Variants in IGSF21 observed in about 807,000 individuals in gnomAD.
The protein encoded by IGSF21 is immunoglobin superfamily member 21, also known as immunoglobulin superfamily member 21.
Under a neutral mutation model 46.8 loss-of-function variants are expected in IGSF21, and 28 were observed. The observed-to-expected ratio is 0.60, with a 90% confidence interval of 0.44 to 0.82. The LOEUF is 0.82. Among genes scored for constraint, IGSF21 ranks in the 40% least tolerant of loss-of-function variants. IGSF21 has a pLI of 0.00. For synonymous variants in IGSF21, 284 were observed against 273.6 expected, an observed-to-expected ratio of 1.04 and a Z score of -0.38; for missense variants, 624 against 665.5, an observed-to-expected ratio of 0.94 and a Z score of 0.69.
intron 3 of IGSF21, among the ~76,000 whole-genome samples, chr1:18,293,511 A>G (rs926745122): frequency 6.6e-6 from 1 of 152,112 alleles, no homozygotes; most frequent in African/African-American, 2.4e-5. Flanking sequence ...GTGTGTGAAG[A>G]GGTGTGTGAA....
Position 18,290,394 on chromosome 1 carries a change from A to T in IGSF21, c.184-1472A>T, listed in dbSNP as rs2085254448. ...GGTGTGGGCTTACGGAGGGGTAAGG[A>T]GAAGCCGTGCCCTGGGAAGTCTCAC... On this transcript the variant is annotated intron_variant, in intron 2 of 9. Coordinates refer to ENST00000251296, the MANE Select transcript of IGSF21 (RefSeq NM_032880.5). The surrounding 1 kb of genome is among the most constrained non-coding windows in gnomAD (Gnocchi z 4.2). Among the ~76,000 whole-genome samples the T allele has an allele frequency of 6.6e-6, 1 of 152,084 alleles. No homozygotes were observed. Among genetic ancestry groups the T allele is most frequent in the South Asian group, 2.1e-4 (1 of 4,818 alleles).
chr1:18,270,920 C>G (rs539091163), intron 2 of IGSF21, among the ~76,000 whole-genome samples: 1 of 152,370 alleles, frequency 6.6e-6, no homozygotes, highest in Non-Finnish European at 1.5e-5. Flanking sequence ...TGAAGCCACA[C>G]CTTTGACTGC....
At chr1:18,283,955 C>T (rs931470683) in intron 2 of IGSF21, among the ~76,000 whole-genome samples, 5 of 152,156 alleles carry the variant, frequency 3.3e-5, no homozygotes, top group African/African-American at 4.8e-5. Flanking sequence ...GTTCTATAAT[C>T]GGGGATGCAA....
intron 1 of IGSF21, among the ~76,000 whole-genome samples, chr1:18,213,898 C>T (rs1270869066): frequency 6.6e-6 from 1 of 152,168 alleles, no homozygotes; most frequent in Non-Finnish European, 1.5e-5. Flanking sequence ...CCCAACACTT[C>T]AAAGGCCTGA....
chr1:18,158,548 G>A (rs906145779), intron 1 of IGSF21, among the ~76,000 whole-genome samples: 1 of 152,150 alleles, frequency 6.6e-6, no homozygotes, highest in African/African-American at 2.4e-5. Context: ...GCAGCGTCGG[G>A]GAACAGTGCC....
At chr1:18,223,013 C>G (rs1007566316) in intron 1 of IGSF21, among the ~76,000 whole-genome samples, 1 of 152,202 alleles carries the variant, frequency 6.6e-6, no homozygotes, top group Non-Finnish European at 1.5e-5. Context: ...TCCCTCCTCA[C>G]CCCAGCCAGA....
chr1:18,255,631 C>A (rs1409235873), intron 2 of IGSF21, among the ~76,000 whole-genome samples: 1 of 152,054 alleles, frequency 6.6e-6, no homozygotes, highest in African/African-American at 2.4e-5. Context: ...CTTGATTATA[C>A]CCTGTGTTCC....
intron 6 of IGSF21, among the ~76,000 whole-genome samples, chr1:18,375,572 T>TA (rs2086272088): frequency 1.3e-5 from 2 of 152,286 alleles, no homozygotes; most frequent in South Asian, 4.2e-4. Context: ...TAAGAGGTGA[T>TA]ACAAGAAAGT....
chr1:18,212,148 C>T (rs754815404), intron 1 of IGSF21, among the ~76,000 whole-genome samples: 4 of 152,254 alleles, frequency 2.6e-5, no homozygotes, highest in Admixed American at 6.5e-5. Flanking sequence ...GCACGGCCCC[C>T]GGGTGCCGGG....
intron 1 of IGSF21, among the ~76,000 whole-genome samples, chr1:18,138,569 CT>C (rs954614885): frequency 7.4e-4 from 112 of 152,262 alleles, no homozygotes; most frequent in African/African-American, 2.7e-3. Context: ...GCGGTTTTCA[CT>C]TTTGCTCTCT....
intron 1 of IGSF21, among the ~76,000 whole-genome samples, chr1:18,177,283 CAGGGTCCA>C (rs1212108533): frequency 2.0e-5 from 1 of 50,542 alleles, no homozygotes. Flanking sequence ...GCAGGTGGTC[CAGGGTCCA>C]AGGTTTTTCC....
At chr1:18,297,943 G>C (rs2085327479) in intron 3 of IGSF21, among the ~76,000 whole-genome samples, 1 of 152,216 alleles carries the variant, frequency 6.6e-6, no homozygotes, top group African/African-American at 2.4e-5. Flanking sequence ...GCATTGCACA[G>C]CTCCTCATAG....
intron 1 of IGSF21, chr1:18,110,264 G>T (rs79200864): frequency 6.6e-6 from 1 of 152,292 alleles, no homozygotes; most frequent in African/African-American, 2.4e-5. Flanking sequence ...CGAGGCAGCC[G>T]GGAGCCCTCT....
intron 1 of IGSF21, among the ~76,000 whole-genome samples, chr1:18,177,568 G>C (rs1489648415): frequency 6.6e-6 from 1 of 151,884 alleles, no homozygotes; most frequent in African/African-American, 2.4e-5. Flanking sequence ...GCCTTGTCCT[G>C]TCTCTTCATC....
Position 18,128,068 on chromosome 1 carries a change from A to G in IGSF21, c.70+19870A>G, listed in dbSNP as rs2086288635. On this transcript the variant is annotated intron_variant, in intron 1 of 9. Coordinates refer to ENST00000251296, the MANE Select transcript of IGSF21 (RefSeq NM_032880.5). The stretch of plus-strand genomic sequence containing the variant: ...AGTGATACTCTTGGATATTATTATT[A>G]TTGTTGTTAGCTAATACTAATGGAT... Among the ~76,000 whole-genome samples the G allele has an allele frequency of 2.6e-5, 4 of 152,206 alleles. No individual in the cohort carries two copies. In the South Asian group the frequency reaches 8.3e-4, roughly 32 times the overall value.
At chr1:18,305,513 A>G (rs11260974) in intron 3 of IGSF21, among the ~76,000 whole-genome samples, 15,851 of 127,586 alleles carry the variant, frequency 0.12, 1,699 homozygotes, top group African/African-American at 0.28. Flanking sequence ...TGGATGGATG[A>G]ATGGATGGAT....
intron 1 of IGSF21, among the ~76,000 whole-genome samples, chr1:18,128,302 C>A (rs1010536397): frequency 6.6e-6 from 1 of 152,232 alleles, no homozygotes; most frequent in South Asian, 2.1e-4. Flanking sequence ...GACTCAGGAG[C>A]AGAGCAGCTT....
At chr1:18,228,814 G>T (rs2084595346) in intron 2 of IGSF21, among the ~76,000 whole-genome samples, 2 of 152,206 alleles carry the variant, frequency 1.3e-5, no homozygotes, top group African/African-American at 4.8e-5. Context: ...TGACGACTGA[G>T]ATTGTAAATA....
intron 1 of IGSF21, among the ~76,000 whole-genome samples, chr1:18,148,259 T>C (rs2086488819): frequency 6.6e-6 from 1 of 150,934 alleles, no homozygotes; most frequent in Non-Finnish European, 1.5e-5. Flanking sequence ...GCCTCCAGAG[T>C]AGCTGGGACT....
Sources: gnomAD v4.1 joint callset for allele counts (sites outside exome capture counted in the v4.1 genomes callset) on GRCh38, gnomAD v4.1.1 for gene constraint, Gnocchi (gnomAD v3.1) non-coding constraint, MANE v1.5 for transcripts, NCBI Gene and HGNC (gene_info 2026-07-23, HGNC 2026-07-21) for gene names.